GPSM2: variants seen among roughly 807,000 people sequenced by gnomAD.
GPSM2 encodes the protein G protein signaling modulator 2.
A neutral mutation model predicts 78.4 loss-of-function variants in GPSM2; 58 were observed. The ratio of observed to expected loss-of-function variants is 0.74; its 90% confidence interval spans 0.60 to 0.92. The LOEUF (loss-of-function observed/expected upper bound fraction) is 0.92. Ranked by LOEUF, GPSM2 falls within the 40% of genes least tolerant of loss-of-function variation. The pLI, the probability that GPSM2 is intolerant of heterozygous loss-of-function variation, is 0.00. For missense variants in GPSM2, 700 were observed against 815.5 expected (o/e 0.86, Z 1.73); for synonymous variants, 224 against 280.2 (o/e 0.80, Z 2.00).
At chr1:108,911,799 ATTTTTTT>A (rs71069618) in intron 10 of GPSM2, among the ~76,000 whole-genome samples, 1 of 108,728 alleles carries the variant, frequency 9.2e-6, no homozygotes, top group African/African-American at 3.7e-5. Context: ...TGGGAAGACA[ATTTTTTT>A]TTTTTTTTTT....
At chr1:108,883,444 A>G (rs532094498) in intron 1 of GPSM2, among the ~76,000 whole-genome samples, 5 of 152,366 alleles carry the variant, frequency 3.3e-5, no homozygotes, top group Admixed American at 6.5e-5. Context: ...TGCTCAAAGT[A>G]TGGAACGATT....
intron 13 of GPSM2, 41 bp downstream of exon 13, chr1:108,922,617 T>C: frequency 6.8e-7 from 1 of 1,470,680 alleles, no homozygotes. Context: ...AATAGTTCTC[T>C]TTGATATTCT....
At chr1:108,906,401 T>C (rs998550807) in intron 10 of GPSM2, among the ~76,000 whole-genome samples, 11 of 152,052 alleles carry the variant, frequency 7.2e-5, no homozygotes, top group African/African-American at 1.2e-4. Context: ...GAAACCTGCC[T>C]TCAAAATATA....
rs572688788 is a variant in GPSM2, at chr1:108,896,815, A to G, written c.57-49A>G. 9.8e-6 allele frequency: 13 copies of G among 1,320,372 alleles called. No homozygotes were observed. In the South Asian group the frequency reaches 1.4e-4, roughly 14 times the overall value. The allele number at this position is 1,320,372 out of a possible 1,614,324, so 81.8% of individuals were successfully genotyped here. On this transcript the variant is annotated intron_variant, in intron 2 of 14. Transcript: ENST00000264126. ...ATTACGGGAAGTTAAAAATACTGTG[A>G]TGCAGCTGTAATGTTATGTTTAAAT...
chr1:108,905,563 G>A (rs528142580), intron 10 of GPSM2, among the ~76,000 whole-genome samples: 1 of 152,116 alleles, frequency 6.6e-6, no homozygotes, highest in South Asian at 2.1e-4. Flanking sequence ...TGCTTTTCTG[G>A]TTTGCCACTC....
intron 12 of GPSM2, among the ~76,000 whole-genome samples, chr1:108,920,094 G>C (rs530756917): frequency 5.3e-5 from 8 of 152,210 alleles, no homozygotes; most frequent in African/African-American, 1.9e-4. Context: ...TTGAGCCTGG[G>C]AGGCAGAGGT....
chr1:108,915,168 C>T (rs910330810), intron 11 of GPSM2, among the ~76,000 whole-genome samples: 3 of 151,656 alleles, frequency 2.0e-5, no homozygotes, highest in Admixed American at 6.6e-5. Context: ...GTCAGGAGAT[C>T]GAGACCATCC....
chr1:108,879,823 AGGG>A (rs979812295), intron 1 of GPSM2, among the ~76,000 whole-genome samples: 1 of 151,996 alleles, frequency 6.6e-6, no homozygotes, highest in African/African-American at 2.4e-5. Flanking sequence ...TCAAAAAAAA[AGGG>A]GGGGCTGAAT....
chr1:108,898,264 G>C (rs1164697128), intron 5 of GPSM2, among the ~76,000 whole-genome samples, 163 bp downstream of exon 5: 1 of 152,222 alleles, frequency 6.6e-6, no homozygotes, highest in African/African-American at 2.4e-5. Flanking sequence ...TGTTATATTA[G>C]TAGTAATCTG....
chr1:108,928,416 T>C (rs1651323656), intron 14 of GPSM2, among the ~76,000 whole-genome samples: 1 of 152,170 alleles, frequency 6.6e-6, no homozygotes. Flanking sequence ...ATTGAAATTA[T>C]CAATTTATGA....
At chr1:108,890,213 G>C (rs1272677670) in intron 2 of GPSM2, among the ~76,000 whole-genome samples, 1 of 152,036 alleles carries the variant, frequency 6.6e-6, no homozygotes, top group African/African-American at 2.4e-5. Flanking sequence ...CTCTCCCTTT[G>C]AGCATTAGCT....
chr1:108,903,201 T>C lies in GPSM2; in HGVS notation c.1029T>C (p.His343=). 1 of 1,608,036 alleles carries C rather than the reference T, an allele frequency of 6.2e-7. No homozygotes were observed. The highest frequency in any genetic ancestry group is 1.7e-4 in the Middle Eastern group (1 of 6,052). The part of the protein sequence containing the change: ...TALGNHDQAM[H]FAEKHLEISR... The stretch of plus-strand genomic sequence containing the variant: ...TAGGAAATCATGATCAAGCAATGCA[T>C]TTTGCTGAAAAGCACTTGGAAATTT... The change falls in exon 9 of 15, where the codon CAT becomes CAC. Residue 343 remains histidine, a synonymous_variant. Transcript: ENST00000264126.
Position 108,929,833 on chromosome 1 carries a change from T to G in GPSM2, c.1948T>G (p.Leu650Val). The change falls in exon 15 of 15, where the codon TTA becomes GTA. Residue 650 changes from leucine (L) to valine (V), a missense_variant. Leu to Val is a conservative substitution (Grantham distance 32). Coordinates refer to ENST00000264126, the MANE Select transcript of GPSM2 (RefSeq NM_013296.5). ...GKRMDEQRVL[L>V]QRDQNRDTDF... The stretch of plus-strand genomic sequence containing the variant: ...GAGAATGGATGAACAGAGAGTTCTT[T>G]TACAAAGAGATCAAAACAGAGACAC... 6.2e-7 allele frequency: 1 copy of G among 1,614,116 alleles called. No homozygotes were observed. The highest frequency in any genetic ancestry group is 8.5e-7 in the Non-Finnish European group (1 of 1,179,974).
At chr1:108,901,968 A>G (rs764883533) in intron 8 of GPSM2, 23 bp downstream of exon 8, 1 of 1,528,076 alleles carries the variant, frequency 6.5e-7, no homozygotes, top group Non-Finnish European at 9.1e-7. Flanking sequence ...TCTTTTTACC[A>G]TAACTAAGGT....
chr1:108,918,241 C>G (rs1443062352), intron 11 of GPSM2, among the ~76,000 whole-genome samples: 1 of 151,998 alleles, frequency 6.6e-6, no homozygotes, highest in East Asian at 1.9e-4. Flanking sequence ...TTTAAAAATT[C>G]TACATACATC....
At chr1:108,914,180 T>G (rs1186360663) in intron 10 of GPSM2, among the ~76,000 whole-genome samples, 158 bp from the exon 11 acceptor site, 1 of 152,248 alleles carries the variant, frequency 6.6e-6, no homozygotes, top group Non-Finnish European at 1.5e-5. Context: ...GTAGCTGGTA[T>G]AGAAAATTAT....
intron 11 of GPSM2, among the ~76,000 whole-genome samples, chr1:108,917,841 TC>T (rs1379830360): frequency 6.6e-6 from 1 of 150,928 alleles, no homozygotes; most frequent in Admixed American, 6.6e-5. Context: ...GGGGCACTTT[TC>T]TGGATTGGTG....
At chr1:108,915,421 C>T (rs1326478961) in intron 11 of GPSM2, among the ~76,000 whole-genome samples, 1 of 145,482 alleles carries the variant, frequency 6.9e-6, no homozygotes, top group African/African-American at 2.5e-5. Flanking sequence ...ATTTTTATTT[C>T]TTTTTTTTCT....
Position 108,929,902 on chromosome 1 carries a change from G to A in GPSM2, c.2017G>A (p.Glu673Lys). Residue 673 changes from glutamate (E) to lysine (K), a missense_variant, in exon 15 of 15, where the codon GAG becomes AAG. By Grantham distance (56) the Glu-to-Lys change is moderately conservative. Coordinates refer to ENST00000264126, the MANE Select transcript of GPSM2 (RefSeq NM_013296.5). ...CTTTTTGCAAAATAATGCTTTGTTG[G>A]AGTTTAAAAATTCAGGGAAAAAATC... ...KDFLQNNALL[E>K]FKNSGKKSAD... 6.2e-7 allele frequency: 1 copy of A among 1,613,706 alleles called. No individual in the cohort carries two copies.
Sources: gnomAD v4.1 joint callset for allele counts (sites outside exome capture counted in the v4.1 genomes callset) on GRCh38, gnomAD v4.1.1 for gene constraint, MANE v1.5 for transcripts, NCBI Gene and HGNC (gene_info 2026-07-23, HGNC 2026-07-21) for gene names.